The following WDR77 variants were observed in gnomAD, a reference collection of about 807,000 sequenced individuals.
WDR77 encodes the protein methylosome protein WDR77.
WDR77 carries 31 observed loss-of-function variants against 44.0 expected under a neutral mutation model. The observed-to-expected ratio is 0.70, with a 90% CI of 0.53 to 0.95. The LOEUF is 0.95. Among genes scored for constraint, WDR77 ranks in the 40% least tolerant of loss-of-function variants. The probability of loss-of-function intolerance (pLI) is 0.00; values close to 1 mark genes in which losing one functional copy is unlikely to be tolerated. For synonymous variants in WDR77, 186 were observed against 165.7 expected (o/e 1.12, Z -0.94); for missense variants, 390 against 423.9 (o/e 0.92, Z 0.70).
At position 111,442,754 on chromosome 1, in the gene WDR77, C is replaced by T. The variant is rs1200302924; in HGVS notation, c.699G>A (p.Glu233=). The T allele has an allele frequency of 6.3e-7, 1 of 1,580,260 alleles. No individual in the cohort carries two copies. The highest frequency in any genetic ancestry group is 1.7e-5 in the Admixed American group (1 of 57,954). Residue 233 remains glutamate (E), a synonymous_variant, in exon 8 of 10, where the codon GAG becomes GAA. Coordinates refer to ENST00000235090, the MANE Select transcript of WDR77 (RefSeq NM_024102.4). ...TGTCCACAAGGGAGACTGTCCCATTCTCATCACCTGTAGAAGAGAAGGAAC... is the reference window on the plus strand; with the variant it reads ...TGTCCACAAGGGAGACTGTCCCATTTTCATCACCTGTAGAAGAGAAGGAAC... ...QQSEVFVFGD[E]NGTVSLVDTK...
rs778527562 is a variant in WDR77 at position 111,441,339 on chromosome 1, G to C, written c.920C>G (p.Pro307Arg). 1 of 1,571,590 alleles carries C rather than the reference G, an allele frequency of 6.4e-7. No individual in the cohort carries two copies. Reference protein sequence around the residue: ...RDFVRDATWSPLNHSLLTTVG... With the variant: ...RDFVRDATWSRLNHSLLTTVG... ...TGTGGTAAGCAGGGAGTGATTGAGC[G>C]GGGACCAAGTCGCATCTCTCACAAA... Residue 307 changes from proline (P) to arginine (R), a missense_variant, in exon 10 of 10, where the codon CCG becomes CGG. Transcript: ENST00000235090.
chr1:111,442,510 A>G (rs1295726436), intron 8 of WDR77, 143 bp downstream of exon 8: 1 of 545,316 alleles, frequency 1.8e-6, no homozygotes, highest in Non-Finnish European at 3.1e-6. Context: ...CACACTTAAG[A>G]GATCTTCGAT....
At chr1:111,447,258 T>C in intron 3 of WDR77, 114 bp from the exon 4 acceptor site, 1 of 1,482,372 alleles carries the variant, frequency 6.7e-7, no homozygotes, top group African/African-American at 1.4e-5. Context: ...CCTCTTGGAC[T>C]GCTGCTATGG....
In WDR77 at chr1:111,441,335, G is replaced by A. The variant is rs1446373491; in HGVS notation, c.924C>T (p.Leu308=). 1 of 1,577,348 alleles carries A rather than the reference G, an allele frequency of 6.3e-7. No homozygotes were observed. Among genetic ancestry groups the A allele is most frequent in the South Asian group, 1.2e-5 (1 of 86,534 alleles). Residue 308 remains leucine (L), a synonymous_variant, in exon 10 of 10, where the codon CTC becomes CTT. Transcript: ENST00000235090. ...CCACTGTGGTAAGCAGGGAGTGATT[G>A]AGCGGGGACCAAGTCGCATCTCTCA... ...DFVRDATWSP[L]NHSLLTTVGW... is the part of the protein sequence containing the mutation.
chr1:111,448,745 A>G lies in WDR77; in HGVS notation c.175T>C (p.Trp59Arg). ...LSGRCWAGSL[W>R]LFKDPCAAPN... ...GCGGCACAGGGGTCCTTAAAAAGCC[A>G]GAGGGAGCCGGCCCAGCAGCGCCCA... The change falls in exon 2 of 10, where the codon TGG becomes CGG. Residue 59 changes from tryptophan to arginine, a missense_variant. Transcript: ENST00000235090. The G allele has an allele frequency of 6.2e-7, 1 of 1,612,334 alleles. No homozygotes were observed. The highest frequency in any genetic ancestry group is 8.5e-7 in the Non-Finnish European group (1 of 1,179,158).
At chr1:111,443,077 C>T (rs1409053084) in intron 7 of WDR77, among the ~76,000 whole-genome samples, 3 of 152,160 alleles carry the variant, frequency 2.0e-5, no homozygotes. Context: ...TATAGCCATG[C>T]CCAGAATACA....
chr1:111,441,887 T>G, intron 9 of WDR77, 138 bp downstream of exon 9: 1 of 852,320 alleles, frequency 1.2e-6, no homozygotes, highest in Non-Finnish European at 1.9e-6. Flanking sequence ...GCCAGCCTGC[T>G]TCCATTACCA....
At position 111,448,664 on chromosome 1, in the gene WDR77, G is replaced by C. The variant is rs772333367; in HGVS notation, c.256C>G (p.Leu86Val). 17 of 1,614,082 alleles carry C rather than the reference G, an allele frequency of 1.1e-5. No individual in the cohort carries two copies. In the Admixed American group the frequency reaches 2.7e-4, roughly 25 times the overall value. Residue 86 changes from leucine (L) to valine (V), a missense_variant, in exon 2 of 10, where the codon CTC (leucine) becomes GTC (valine). Physicochemically the swap from Leu to Val is conservative, Grantham distance 32. Coordinates refer to ENST00000235090, the MANE Select transcript of WDR77 (RefSeq NM_024102.4). ...GVQTEAGVAD[L>V]TWVGERGILV... is the part of the protein sequence containing the mutation. ...ATACCTCTCTCCCCAACCCAAGTGA[G>C]GTCAGCCACTCCAGCCTCCGTTTGG...
chr1:111,442,908 A>T, intron 7 of WDR77, 147 bp from the exon 8 acceptor site: 1 of 550,690 alleles, frequency 1.8e-6, no homozygotes, highest in Non-Finnish European at 3.1e-6. Context: ...AAGTCACTGG[A>T]TCATTGTGAA....
chr1:111,441,971 G>A lies in WDR77; in HGVS notation c.869+54C>T, dbSNP rs748490461. On this transcript the variant is annotated intron_variant, in intron 9 of 9. Coordinates refer to ENST00000235090, the MANE Select transcript of WDR77 (RefSeq NM_024102.4). ...AGTTTTCTGAAGAGGAAAATGACTCGCCCACCCACTGCTCCCCTTCCCTGA... is the reference window on the plus strand; with the variant it reads ...AGTTTTCTGAAGAGGAAAATGACTCACCCACCCACTGCTCCCCTTCCCTGA... 5.2e-5 allele frequency: 79 copies of A among 1,508,586 alleles called. 1 individual carries two copies. The highest frequency in any genetic ancestry group is 5.1e-4 in the Middle Eastern group (3 of 5,862). 93.5% of individuals were successfully genotyped at this position (1,508,586 alleles called of 1,614,324 possible). A position where few individuals can be genotyped will look rare whatever the true frequency, so the allele number is the denominator to read the frequency against.
At chr1:111,448,070 C>A (rs1361040478) in intron 2 of WDR77, among the ~76,000 whole-genome samples, 1 of 151,956 alleles carries the variant, frequency 6.6e-6, no homozygotes, top group Non-Finnish European at 1.5e-5. Context: ...GAGAATCCGC[C>A]AAAAGTTGTC....
intron 1 of WDR77, 86 bp from the exon 2 acceptor site, chr1:111,448,890 C>G: frequency 1.3e-6 from 2 of 1,544,002 alleles, no homozygotes; most frequent in Non-Finnish European, 1.7e-6. Flanking sequence ...CCGGCCGGGT[C>G]TGGATCTGAG....
At chr1:111,447,011 T>C (rs183280123) in intron 4 of WDR77, 84 bp downstream of exon 4, 3 of 1,384,384 alleles carry the variant, frequency 2.2e-6, no homozygotes, top group East Asian at 2.3e-5. Context: ...AACATGGAAT[T>C]GCTGCTCCTA....
intron 6 of WDR77, 149 bp from the exon 7 acceptor site, chr1:111,443,543 A>G: frequency 7.8e-7 from 1 of 1,279,536 alleles, no homozygotes; most frequent in African/African-American, 1.5e-5. Context: ...GAGCCTCATA[A>G]CCATTTATCC....
At chr1:111,443,772 G>C in intron 6 of WDR77, 95 bp downstream of exon 6, 4 of 1,590,446 alleles carry the variant, frequency 2.5e-6, no homozygotes, top group Non-Finnish European at 3.4e-6. Context: ...TAACTACACT[G>C]GGCATCTAGC....
At position 111,447,058 on chromosome 1, in the gene WDR77, C is replaced by T. The variant is rs770719694; in HGVS notation, c.493+37G>A. The T allele has an allele frequency of 1.2e-4, 194 of 1,610,292 alleles. No homozygotes were observed. In the Admixed American group the frequency reaches 3.3e-3, roughly 27 times the overall value. On this transcript the variant is annotated intron_variant, in intron 4 of 9. Coordinates refer to ENST00000235090, the MANE Select transcript of WDR77 (RefSeq NM_024102.4). ...AAGTTCAAAAAGTCCAAAAACACAACAGCTAACACCAGGGCTAAAAATGAA... is the reference window on the plus strand; with the variant it reads ...AAGTTCAAAAAGTCCAAAAACACAATAGCTAACACCAGGGCTAAAAATGAA...
intron 4 of WDR77, among the ~76,000 whole-genome samples, chr1:111,445,240 CA>C (rs1652975548): frequency 6.6e-6 from 1 of 152,184 alleles, no homozygotes; most frequent in African/African-American, 2.4e-5. Flanking sequence ...ACCTTTTCTA[CA>C]GTCATTTTAC....
Position 111,440,278 on chromosome 1 carries a change from A to G in WDR77, c.*952T>C, listed in dbSNP as rs966705629. The stretch of plus-strand genomic sequence containing the variant: ...ATGCTTCAAAAAAGACAGGCCAACA[A>G]TGCCTAAACTCTTTATTTCACCAAC... On this transcript the variant is annotated 3_prime_UTR_variant, in exon 10 of 10. Coordinates refer to ENST00000235090, the MANE Select transcript of WDR77 (RefSeq NM_024102.4). 2.0e-5 allele frequency: 3 copies of G among 152,342 alleles called. No homozygotes were observed. The highest frequency in any genetic ancestry group is 6.8e-3 in the Middle Eastern group (2 of 294). 9.4% of individuals were successfully genotyped at this position (152,342 alleles called of 1,614,324 possible).
At position 111,447,541 on chromosome 1, in the gene WDR77, T is replaced by C. The variant is rs1049437032; in HGVS notation, c.337A>G (p.Thr113Ala). 24 of 1,614,086 alleles carry C rather than the reference T, an allele frequency of 1.5e-5. No homozygotes were observed. The highest frequency in any genetic ancestry group is 3.3e-5 in the Admixed American group (2 of 60,008). The change falls in exon 3 of 10, where the codon ACA (threonine) becomes GCA (alanine). Residue 113 changes from threonine to alanine, a missense_variant. Thr to Ala is a moderately conservative substitution (Grantham distance 58). Coordinates refer to ENST00000235090, the MANE Select transcript of WDR77 (RefSeq NM_024102.4). ...TTGCAGAACTTGCTGACAATAAGTG[T>C]CTCATTCTCATCTAGTTCCCACAAT... ...VELWELDENE[T>A]LIVSKFCKYE... is the part of the protein sequence containing the mutation.
Sources: gnomAD v4.1 joint callset for allele counts (sites outside exome capture counted in the v4.1 genomes callset) on GRCh38, gnomAD v4.1.1 for gene constraint, MANE v1.5 for transcripts, NCBI Gene and HGNC (gene_info 2026-07-23, HGNC 2026-07-21) for gene names.